The following TRPC7 variants were observed in gnomAD, a reference collection of about 807,000 sequenced individuals.
TRPC7 encodes the protein transient receptor potential cation channel subfamily C member 7.
In TRPC7, 42 loss-of-function variants were observed where a neutral mutation model predicts 90.1. That is an observed-to-expected ratio of 0.47 (90% confidence interval 0.36 to 0.60). The LOEUF is 0.60. Among genes scored for constraint, TRPC7 ranks in the 20% least tolerant of loss-of-function variants. The probability of loss-of-function intolerance (pLI) is 0.00; values close to 1 mark genes in which losing one functional copy is unlikely to be tolerated. For synonymous variants in TRPC7, 451 were observed against 436.3 expected, an observed-to-expected ratio of 1.03 and a Z score of -0.42; for missense variants, 955 against 1,112.3, an observed-to-expected ratio of 0.86 and a Z score of 2.01.
At chr5:136,301,852 G>A (rs372859913) in intron 3 of TRPC7, among the ~76,000 whole-genome samples, 6 of 152,178 alleles carry the variant, frequency 3.9e-5, no homozygotes, top group African/African-American at 7.2e-5. Flanking sequence ...GCCGTGACTC[G>A]GATCGGGGGA....
chr5:136,289,657 G>A (rs1197547610), intron 3 of TRPC7, among the ~76,000 whole-genome samples: 1 of 152,236 alleles, frequency 6.6e-6, no homozygotes, highest in African/African-American at 2.4e-5. Context: ...AGCTCGAACT[G>A]GGTGGAGCCC....
chr5:136,258,730 A>C (rs1204201021), intron 5 of TRPC7, among the ~76,000 whole-genome samples: 5 of 152,246 alleles, frequency 3.3e-5, no homozygotes, highest in African/African-American at 1.2e-4. Context: ...TCCCTGCCTC[A>C]GATGATATTC....
intron 2 of TRPC7, among the ~76,000 whole-genome samples, chr5:136,319,311 G>T (rs1173815776): frequency 6.6e-6 from 1 of 152,058 alleles, no homozygotes; most frequent in African/African-American, 2.4e-5. Flanking sequence ...AACTGCCCCT[G>T]CTCCTCTCCA....
intron 1 of TRPC7, among the ~76,000 whole-genome samples, chr5:136,364,230 T>A (rs1422596883): frequency 6.6e-6 from 1 of 152,250 alleles, no homozygotes; most frequent in African/African-American, 2.4e-5. Context: ...CTGATTTTTT[T>A]CTGGGTTAAT....
intron 2 of TRPC7, among the ~76,000 whole-genome samples, chr5:136,320,233 C>T (rs1759148996): frequency 6.6e-6 from 1 of 152,124 alleles, no homozygotes; most frequent in African/African-American, 2.4e-5. Flanking sequence ...GGTAGCAAAT[C>T]CTGCAAGTTC....
At chr5:136,298,700 C>T (rs80061838) in intron 3 of TRPC7, among the ~76,000 whole-genome samples, 38 of 152,244 alleles carry the variant, frequency 2.5e-4, no homozygotes, top group African/African-American at 4.8e-4. Context: ...TGGTGCTACT[C>T]CTATTCCCAG....
intron 7 of TRPC7, among the ~76,000 whole-genome samples, chr5:136,241,508 G>C (rs546217495): frequency 2.0e-5 from 3 of 151,582 alleles, no homozygotes; most frequent in East Asian, 3.9e-4. Flanking sequence ...CTGTGTAGCT[G>C]TCCCATCACA....
At chr5:136,351,451 T>C (rs1760191616) in intron 2 of TRPC7, among the ~76,000 whole-genome samples, 1 of 152,244 alleles carries the variant, frequency 6.6e-6, no homozygotes, top group Admixed American at 6.5e-5. Flanking sequence ...CCCAGGGTGT[T>C]GGACTATAAC....
intron 2 of TRPC7, among the ~76,000 whole-genome samples, chr5:136,333,299 AG>A (rs1440037511): frequency 8.9e-6 from 1 of 112,712 alleles, no homozygotes; most frequent in Non-Finnish European, 2.1e-5. Flanking sequence ...CCAGTTCAAG[AG>A]GTTGGAACAG....
intron 2 of TRPC7, among the ~76,000 whole-genome samples, chr5:136,348,861 G>C (rs1467311934): frequency 6.6e-6 from 1 of 152,130 alleles, no homozygotes; most frequent in Non-Finnish European, 1.5e-5. Flanking sequence ...CTACTCTACT[G>C]TGATTAATGT....
At chr5:136,274,941 C>A in intron 3 of TRPC7, 104 bp from the exon 4 acceptor site, 1 of 1,326,558 alleles carries the variant, frequency 7.5e-7, no homozygotes, top group Non-Finnish European at 1.0e-6. Context: ...CTGAAATGCT[C>A]CACCTGGGGG....
chr5:136,306,238 A>C (rs1483574981), intron 3 of TRPC7, among the ~76,000 whole-genome samples: 1 of 152,012 alleles, frequency 6.6e-6, no homozygotes, highest in Non-Finnish European at 1.5e-5. Context: ...CTCCTTAGGC[A>C]CTCTCTAATC....
rs867409270 is a variant in TRPC7 at position 136,269,991 on chromosome 5, C to T, written c.1129-3555G>A. Among the ~76,000 whole-genome samples, 118 of 152,242 alleles carry T rather than the reference C, an allele frequency of 7.8e-4. No individual in the cohort carries two copies. In the Middle Eastern group the frequency reaches 0.014, roughly 18 times the overall value. On this transcript the variant is annotated intron_variant, in intron 4 of 11. Transcript: ENST00000513104. ...AAGAGGGATTTACAAAGCAGGACTC[C>T]GATGAAAGAAAAGGAAGGGACAGAG...
At chr5:136,269,738 C>T (rs999261459) in intron 4 of TRPC7, among the ~76,000 whole-genome samples, 1 of 152,158 alleles carries the variant, frequency 6.6e-6, no homozygotes, top group Admixed American at 6.6e-5. Flanking sequence ...TAGCGAGATC[C>T]TGGTTAAATT....
rs1257550712 is a variant in TRPC7, at chr5:136,356,626, G to T, written c.762C>A (p.Asn254Lys). ...ELSNELARLA[N>K]IETEFKNDYR... ...GAGTTACCTTAAATTCAGTCTCAAT[G>T]TTGGCTAGTCTGGCTAACTCGTTGC... is the stretch of plus-strand genomic sequence containing the variant. The change falls in exon 2 of 12, where the codon AAC (asparagine) becomes AAA (lysine). Residue 254 changes from asparagine to lysine, a missense_variant. Transcript: ENST00000513104. 2 of 1,540,014 alleles carry T rather than the reference G, an allele frequency of 1.3e-6. No homozygotes were observed. Among genetic ancestry groups the T allele is most frequent in the African/African-American group, 2.8e-5 (2 of 72,252 alleles).
chr5:136,279,516 G>A (rs1443516562), intron 3 of TRPC7, among the ~76,000 whole-genome samples: 2 of 152,118 alleles, frequency 1.3e-5, no homozygotes, highest in African/African-American at 4.8e-5. Context: ...GAGCTCAGAG[G>A]GTGCTGATGT....
rs562968947 is a variant in TRPC7, at chr5:136,347,260, A to C, written c.780+9348T>G. On this transcript the variant is annotated intron_variant, in intron 2 of 11. Coordinates refer to ENST00000513104, the MANE Select transcript of TRPC7 (RefSeq NM_020389.3). ...GTTATTGCAGCACTCAGAAACTCAA[A>C]CAACCACCCATACTCAATTGAGTAT... Among the ~76,000 whole-genome samples, 310 of 152,224 alleles carry C rather than the reference A, an allele frequency of 2.0e-3. 1 individual carries two copies. The highest frequency in any genetic ancestry group is 4.6e-3 in the South Asian group (22 of 4,822).
At chr5:136,347,764 C>T (rs1402639272) in intron 2 of TRPC7, among the ~76,000 whole-genome samples, 1 of 152,200 alleles carries the variant, frequency 6.6e-6, no homozygotes, top group Non-Finnish European at 1.5e-5. Flanking sequence ...TTTTACTGGG[C>T]TCCTGTCTTA....
intron 2 of TRPC7, among the ~76,000 whole-genome samples, chr5:136,319,112 C>T (rs1221531867): frequency 6.6e-6 from 1 of 152,190 alleles, no homozygotes; most frequent in East Asian, 1.9e-4. Context: ...CTCTCCTACT[C>T]TCCTAAATAG....
Sources: gnomAD v4.1 joint callset for allele counts (sites outside exome capture counted in the v4.1 genomes callset) on GRCh38, gnomAD v4.1.1 for gene constraint, MANE v1.5 for transcripts, NCBI Gene and HGNC (gene_info 2026-07-23, HGNC 2026-07-21) for gene names.